DNAI4: variants seen among roughly 807,000 people sequenced by gnomAD.
DNAI4 encodes the protein WD repeat domain 78.
DNAI4 carries 85 observed loss-of-function variants against 105.8 expected under a neutral mutation model. The ratio of observed to expected loss-of-function variants is 0.80; its 90% CI spans 0.67 to 0.96. The LOEUF (loss-of-function observed/expected upper bound fraction) is 0.96, where lower values mean the gene tolerates loss of function less well. Among genes scored for constraint, DNAI4 ranks in the 40% least tolerant of loss-of-function variants. The probability of loss-of-function intolerance (pLI) is 0.00; values close to 1 mark genes in which losing one functional copy is unlikely to be tolerated. For missense variants in DNAI4, 1,014 were observed against 1,005.6 expected (o/e 1.01, Z -0.11); for synonymous variants, 352 against 331.5 (o/e 1.06, Z -0.67).
chr1:66,847,260 T>G (rs1197915320), intron 8 of DNAI4, among the ~76,000 whole-genome samples: 1 of 152,210 alleles, frequency 6.6e-6, no homozygotes, highest in Non-Finnish European at 1.5e-5. Flanking sequence ...CCTTACATTT[T>G]AAAAATTATT....
At chr1:66,919,350 C>T (rs1489831779) in intron 1 of DNAI4, among the ~76,000 whole-genome samples, 2 of 152,156 alleles carry the variant, frequency 1.3e-5, no homozygotes, top group Non-Finnish European at 1.5e-5. Context: ...AATAATCTCA[C>T]ATTAACTCAT....
chr1:66,914,184 C>T (rs191946710), intron 1 of DNAI4, among the ~76,000 whole-genome samples: 3 of 152,196 alleles, frequency 2.0e-5, no homozygotes, highest in African/African-American at 7.2e-5. Context: ...CAGAATGCAT[C>T]TTTCTAGCAT....
Position 66,862,298 on chromosome 1 carries a change from T to C in DNAI4, c.945A>G (p.Ile315Met). Residue 315 changes from isoleucine to methionine, a missense_variant, in exon 7 of 17, where the codon ATA (isoleucine) becomes ATG (methionine). Physicochemically the swap from Ile to Met is conservative, Grantham distance 10. Coordinates refer to ENST00000371026, the MANE Select transcript of DNAI4 (RefSeq NM_024763.5). ...CDKIIMEDKG[I>M]MSTAWDLYDS... ...CATACAAATCCCAGGCAGTGGACAT[T>C]ATGCCTAGATAAAGACACAGAAAGG... The C allele has an allele frequency of 1.2e-6, 2 of 1,605,210 alleles. No homozygotes were observed. The highest frequency in any genetic ancestry group is 1.1e-5 in the South Asian group (1 of 88,506).
chr1:66,838,873 T>G (rs1478182327), intron 9 of DNAI4, among the ~76,000 whole-genome samples: 1 of 152,206 alleles, frequency 6.6e-6, no homozygotes, highest in African/African-American at 2.4e-5. Context: ...ATAGCACATT[T>G]GAAATTATTA....
At chr1:66,879,653 G>C (rs1647026971) in intron 4 of DNAI4, among the ~76,000 whole-genome samples, 1 of 152,128 alleles carries the variant, frequency 6.6e-6, no homozygotes, top group Admixed American at 6.5e-5. Flanking sequence ...CCACCAGCAA[G>C]GAATGAGAGT....
intron 4 of DNAI4, among the ~76,000 whole-genome samples, chr1:66,876,699 C>A (rs539517533): frequency 3.3e-4 from 51 of 152,284 alleles, no homozygotes; most frequent in African/African-American, 1.2e-3. Flanking sequence ...GTCAGATCCC[C>A]TAACTTTAGA....
rs374634075 is a variant in DNAI4, at chr1:66,818,990, G to A, written c.2496+3371C>T. On this transcript the variant is annotated intron_variant, in intron 16 of 16. Transcript: ENST00000371026. ...CTTATACATGTCTCCTATTGTACAT[G>A]TGTAAGATGTGATTCTCTATGGCTT... 5.9e-5 allele frequency among the ~76,000 whole-genome samples: 9 copies of A among 152,146 alleles called. No individual in the cohort carries two copies. In the East Asian group the frequency reaches 1.4e-3, roughly 23 times the overall value.
At chr1:66,837,857 G>T in intron 9 of DNAI4, 61 bp from the exon 10 acceptor site, 1 of 1,407,972 alleles carries the variant, frequency 7.1e-7, no homozygotes, top group Non-Finnish European at 9.7e-7. Flanking sequence ...ATTGGTAAAT[G>T]TATAAAGATA....
chr1:66,846,741 G>A (rs1646284218), intron 8 of DNAI4, among the ~76,000 whole-genome samples: 1 of 152,134 alleles, frequency 6.6e-6, no homozygotes. Context: ...AAAGAGAACT[G>A]GAACTTGAGA....
chr1:66,920,527 T>C (rs1650397508), intron 1 of DNAI4, among the ~76,000 whole-genome samples: 1 of 152,120 alleles, frequency 6.6e-6, no homozygotes, highest in African/African-American at 2.4e-5. Context: ...GCATCGTGGA[T>C]ACCCTCCCCT....
At chr1:66,823,610 G>T (rs1484583951) in intron 15 of DNAI4, among the ~76,000 whole-genome samples, 1 of 149,300 alleles carries the variant, frequency 6.7e-6, no homozygotes, top group Non-Finnish European at 1.5e-5. Flanking sequence ...TCTAACTGGT[G>T]TGAGATGGTA....
chr1:66,853,305 C>CT (rs2100558798), intron 7 of DNAI4, among the ~76,000 whole-genome samples: 1 of 152,308 alleles, frequency 6.6e-6, no homozygotes, highest in African/African-American at 2.4e-5. Flanking sequence ...GATTGACGAG[C>CT]TTAAAGAAAA....
Position 66,862,176 on chromosome 1 carries a change from T to C in DNAI4, c.1067A>G (p.Gln356Arg), listed in dbSNP as rs758859164. The C allele has an allele frequency of 1.3e-6, 2 of 1,593,944 alleles. No individual in the cohort carries two copies. The highest frequency in any genetic ancestry group is 1.7e-6 in the Non-Finnish European group (2 of 1,173,592). Residue 356 changes from glutamine to arginine, a missense_variant, in exon 7 of 17, where the codon CAA becomes CGA. Coordinates refer to ENST00000371026, the MANE Select transcript of DNAI4 (RefSeq NM_024763.5). ...TTCTGTAGTGCTCCCTGGCAATCTT[T>C]GGTCCTGATCTTTAGGAAGTACATT... ...KANVLPKDQD[Q>R]RLPGSTTEKN...
At chr1:66,858,532 C>CAAAAAAAAAAAAAAAAAAAAAAAAAA (rs3033717) in intron 7 of DNAI4, among the ~76,000 whole-genome samples, 2 of 63,588 alleles carry the variant, frequency 3.1e-5, no homozygotes, top group African/African-American at 1.1e-4. Context: ...GACTCCGTCT[C>CAAAAAAAAAAAAAAAAAAAAAAAAAA]AAAAAAAAAA....
At chr1:66,858,392 G>A (rs1033852217) in intron 7 of DNAI4, among the ~76,000 whole-genome samples, 2 of 151,632 alleles carry the variant, frequency 1.3e-5, no homozygotes, top group East Asian at 3.9e-4. Flanking sequence ...AATTAGCCGG[G>A]CGTGGTGGCG....
intron 2 of DNAI4, among the ~76,000 whole-genome samples, chr1:66,904,636 TTC>T (rs1188592354): frequency 6.6e-6 from 1 of 152,172 alleles, no homozygotes; most frequent in Non-Finnish European, 1.5e-5. Context: ...TTTCTTTGCA[TTC>T]TGTTATCAAT....
At chr1:66,874,366 T>G (rs549957686) in intron 5 of DNAI4, among the ~76,000 whole-genome samples, 1 of 152,270 alleles carries the variant, frequency 6.6e-6, no homozygotes, top group East Asian at 1.9e-4. Context: ...TTTTAAATAT[T>G]AGGTTGGTGC....
At chr1:66,869,854 C>A (rs901114848) in intron 6 of DNAI4, among the ~76,000 whole-genome samples, 4 of 152,116 alleles carry the variant, frequency 2.6e-5, no homozygotes, top group African/African-American at 9.7e-5. Context: ...AGAGGGAAAG[C>A]AGGGGAATAA....
chr1:66,879,628 T>C (rs1647026248), intron 4 of DNAI4, among the ~76,000 whole-genome samples: 3 of 152,236 alleles, frequency 2.0e-5, no homozygotes, highest in Admixed American at 2.0e-4. Flanking sequence ...AAACTGGATG[T>C]ACCATTGTGC....
Sources: gnomAD v4.1 joint callset for allele counts (sites outside exome capture counted in the v4.1 genomes callset) on GRCh38, gnomAD v4.1.1 for gene constraint, MANE v1.5 for transcripts, NCBI Gene and HGNC (gene_info 2026-07-23, HGNC 2026-07-21) for gene names.